Variants in GAS2 observed in about 807,000 individuals in gnomAD.
The protein encoded by GAS2 is growth arrest-specific protein 2.
Under a neutral mutation model 37.5 loss-of-function variants are expected in GAS2, and 20 were observed. The observed-to-expected ratio is 0.53, with a 90% CI of 0.37 to 0.77. The LOEUF (loss-of-function observed/expected upper bound fraction) is 0.77, where lower values mean the gene tolerates loss of function less well. Ranked by LOEUF, GAS2 falls within the 30% of genes least tolerant of loss-of-function variation. The pLI is 0.00. For missense variants in GAS2, 336 were observed against 373.4 expected (o/e 0.90, Z 0.82); for synonymous variants, 144 against 132.2 (o/e 1.09, Z -0.61).
intron 7 of GAS2, among the ~76,000 whole-genome samples, chr11:22,779,452 C>A (rs151319185): frequency 0.017 from 2,664 of 152,284 alleles, 47 homozygotes; most frequent in Admixed American, 0.058. Context: ...AATCCCAGCA[C>A]TTTGGGAGGC....
chr11:22,710,519 G>GTATA (rs71037522), intron 3 of GAS2, among the ~76,000 whole-genome samples: 2 of 147,468 alleles, frequency 1.4e-5, no homozygotes, highest in African/African-American at 5.0e-5. Flanking sequence ...GTGTCTGTGT[G>GTATA]TATATATATA....
chr11:22,762,958 C>T lies in GAS2; in HGVS notation c.723+7005C>T, dbSNP rs373904922. On this transcript the variant is annotated intron_variant, in intron 7 of 7. Transcript: ENST00000454584. ...TAAGTAGACTGGTATTACGTCAAGA[C>T]ATTTTCATAGCAGAACTTCACAGTT... Among the ~76,000 whole-genome samples, 40 of 152,220 alleles carry T rather than the reference C, an allele frequency of 2.6e-4. No homozygotes were observed. The East Asian group carries it at 7.5e-3, about 29-fold the overall frequency.
In GAS2 at chr11:22,789,303, T is replaced by TATAC. The variant is rs1350750428; in HGVS notation, c.724-22494_724-22493insTACA. ...TTTCATATATATATATATATATATA[T>TATAC]ACACACACACACACACACACACACA... On this transcript the variant is annotated intron_variant, in intron 7 of 7. Transcript: ENST00000454584. Among the ~76,000 whole-genome samples the TATAC allele has an allele frequency of 9.9e-5, 11 of 111,122 alleles. No individual in the cohort carries two copies. In the East Asian group the frequency reaches 2.2e-3, roughly 22 times the overall value. 72.9% of individuals were successfully genotyped at this position (111,122 alleles called of 152,430 possible). A position where few individuals can be genotyped will look rare whatever the true frequency, so the allele number is the denominator to read the frequency against.
intron 1 of GAS2, among the ~76,000 whole-genome samples, chr11:22,657,795 A>G (rs953676655): frequency 2.6e-5 from 4 of 152,170 alleles, no homozygotes; most frequent in African/African-American, 4.8e-5. Flanking sequence ...TGAGCATCAA[A>G]TCTTGGCCCA....
In GAS2 at chr11:22,736,606, A is replaced by G. The variant is rs140738409; in HGVS notation, c.410-1099A>G. ...ATTCCACTGTGCTGTCAGTGGATCA[A>G]ATATTGCCACTATCATAATCTGTAG... On this transcript the variant is annotated intron_variant, in intron 4 of 7. Transcript: ENST00000454584. Among the ~76,000 whole-genome samples the G allele has an allele frequency of 5.9e-4, 90 of 152,188 alleles. 1 individual carries two copies. In the East Asian group the frequency reaches 9.5e-3, roughly 16 times the overall value.
At chr11:22,792,967 A>C (rs764534916) in intron 7 of GAS2, among the ~76,000 whole-genome samples, 1 of 152,226 alleles carries the variant, frequency 6.6e-6, no homozygotes, top group Non-Finnish European at 1.5e-5. Context: ...TATGGAAGAC[A>C]AAAACAGGGA....
At chr11:22,802,662 T>C (rs1459860334) in intron 7 of GAS2, among the ~76,000 whole-genome samples, 2 of 152,068 alleles carry the variant, frequency 1.3e-5, no homozygotes, top group African/African-American at 2.4e-5. Context: ...TTGCAACTTA[T>C]AGTGTTGGAG....
At chr11:22,783,202 T>A (rs890850320) in intron 7 of GAS2, among the ~76,000 whole-genome samples, 2 of 142,874 alleles carry the variant, frequency 1.4e-5, no homozygotes, top group African/African-American at 5.3e-5. Context: ...TTAGTGATGA[T>A]GAGCATTTTT....
chr11:22,652,243 G>A (rs886347575), intron 1 of GAS2, among the ~76,000 whole-genome samples: 2 of 152,172 alleles, frequency 1.3e-5, no homozygotes, highest in Non-Finnish European at 2.9e-5. Context: ...GGGGTCAGGG[G>A]GTCAGGGACC....
chr11:22,737,851 C>A, intron 5 of GAS2, 83 bp downstream of exon 5: 1 of 1,236,524 alleles, frequency 8.1e-7, no homozygotes, highest in Non-Finnish European at 1.2e-6. Context: ...CTTTTCATTG[C>A]TAATGTTTAA....
At position 22,651,219 on chromosome 11, in the gene GAS2, T is replaced by A. The variant is rs1848771363; in HGVS notation, c.-20-23631T>A. ...ATATGAAATTCTGGGTTGAAAATTC[T>A]TTTCTTTAAGAATGTTGAATATTGG... On this transcript the variant is annotated intron_variant, in intron 1 of 5. Coordinates refer to the GAS2 transcript ENST00000528582. Among the ~76,000 whole-genome samples the A allele has an allele frequency of 2.6e-5, 4 of 152,186 alleles. No homozygotes were observed. In the South Asian group the frequency reaches 8.3e-4, roughly 31 times the overall value.
intron 7 of GAS2, among the ~76,000 whole-genome samples, chr11:22,761,296 A>C (rs1433305463): frequency 6.6e-6 from 1 of 152,162 alleles, no homozygotes; most frequent in Admixed American, 6.5e-5. Context: ...CTAATATGAT[A>C]AACTTATCTG....
intron 1 of GAS2, among the ~76,000 whole-genome samples, chr11:22,674,213 TTA>T (rs1849318507): frequency 7.6e-5 from 1 of 13,208 alleles, no homozygotes; most frequent in Non-Finnish European, 2.0e-4. Flanking sequence ...CTCTATTTTT[TTA>T]TTTTTTTTTT....
intron 1 of GAS2, among the ~76,000 whole-genome samples, chr11:22,642,803 A>G (rs1462933198): frequency 1.3e-5 from 2 of 152,178 alleles, no homozygotes; most frequent in Non-Finnish European, 2.9e-5. Flanking sequence ...TTTTATAGGT[A>G]TATGATAATG....
At chr11:22,708,562 A>G (rs759340046) in intron 3 of GAS2, among the ~76,000 whole-genome samples, 3 of 152,166 alleles carry the variant, frequency 2.0e-5, no homozygotes, top group Non-Finnish European at 2.9e-5. Flanking sequence ...ATTCAAACTC[A>G]GGCAGTCTGG....
intron 6 of GAS2, among the ~76,000 whole-genome samples, chr11:22,751,268 G>T (rs768895747): frequency 4.6e-5 from 7 of 151,886 alleles, no homozygotes; most frequent in Non-Finnish European, 1.0e-4. Flanking sequence ...CTACTCACCT[G>T]TTACACTACT....
intron 3 of GAS2, among the ~76,000 whole-genome samples, chr11:22,712,498 G>A (rs1851456032): frequency 6.6e-6 from 1 of 152,180 alleles, no homozygotes; most frequent in African/African-American, 2.4e-5. Flanking sequence ...CTAGAAGAAA[G>A]GGGAGAGCAC....
intron 7 of GAS2, among the ~76,000 whole-genome samples, chr11:22,789,303 T>TACACACAC (rs201918939): frequency 1.1e-4 from 12 of 111,106 alleles, no homozygotes; most frequent in African/African-American, 4.1e-4. Context: ...TATATATATA[T>TACACACAC]ACACACACAC....
rs1008926282 is a variant in GAS2, at chr11:22,736,365, T to C, written c.410-1340T>C. On this transcript the variant is annotated intron_variant, in intron 4 of 7. Transcript: ENST00000454584. Reference sequence around the variant, plus strand: ...ATTTGTGTTATCAGTAATAGAAATATCCTGCAATTCAGATTTTCCATAATC... The same window carrying C: ...ATTTGTGTTATCAGTAATAGAAATACCCTGCAATTCAGATTTTCCATAATC... Among the ~76,000 whole-genome samples, 5 of 152,020 alleles carry C rather than the reference T, an allele frequency of 3.3e-5. No homozygotes were observed. In the East Asian group the frequency reaches 7.7e-4, roughly 23 times the overall value.
Sources: allele counts gnomAD v4.1 joint callset (sites outside exome capture counted in the v4.1 genomes callset), GRCh38; gene constraint gnomAD v4.1.1; transcripts MANE v1.5; gene names NCBI Gene and HGNC (gene_info 2026-07-23, HGNC 2026-07-21).